Variants in DACH1 observed in about 807,000 individuals in gnomAD.
The protein encoded by DACH1 is dachshund family transcription factor 1, also known as dachshund homolog 1.
DACH1 carries 12 observed loss-of-function variants against 54.2 expected under a neutral mutation model. The ratio of observed to expected loss-of-function variants is 0.22; its 90% CI spans 0.14 to 0.36. The LOEUF (loss-of-function observed/expected upper bound fraction) is 0.36, where lower values mean the gene tolerates loss of function less well. Ranked by LOEUF, DACH1 falls within the 10% of genes least tolerant of loss-of-function variation. The probability of loss-of-function intolerance (pLI) is 1.00; values close to 1 mark genes in which losing one functional copy is unlikely to be tolerated. For missense variants in DACH1, 805 were observed against 929.8 expected (o/e 0.87, Z 1.75); for synonymous variants, 386 against 366.2 (o/e 1.05, Z -0.62).
intron 1 of DACH1, among the ~76,000 whole-genome samples, chr13:71,704,988 A>T (rs1407115789): frequency 6.6e-6 from 1 of 152,176 alleles, no homozygotes; most frequent in Non-Finnish European, 1.5e-5. Context: ...AATAAAATAA[A>T]TTCGGTAATT....
chr13:71,496,867 A>C (rs1349903530), intron 6 of DACH1, among the ~76,000 whole-genome samples: 1 of 152,168 alleles, frequency 6.6e-6, no homozygotes, highest in Non-Finnish European at 1.5e-5. Flanking sequence ...GGTATTTGGG[A>C]ATAAAACTTA....
At chr13:71,492,250 T>G (rs1395448393) in intron 6 of DACH1, among the ~76,000 whole-genome samples, 1 of 152,104 alleles carries the variant, frequency 6.6e-6, no homozygotes, top group Non-Finnish European at 1.5e-5. Flanking sequence ...CGACAAGTAA[T>G]GTTATTTTAC....
intron 1 of DACH1, among the ~76,000 whole-genome samples, chr13:71,725,499 GAAACTATATAAAATAT>G (rs1159187809): frequency 2.0e-5 from 3 of 152,098 alleles, no homozygotes; most frequent in African/African-American, 7.2e-5. Flanking sequence ...TAAAGTTGAT[GAAACTATATAAAATAT>G]AAACTTTAAA....
chr13:71,622,273 G>A (rs1876302968), intron 3 of DACH1, among the ~76,000 whole-genome samples: 1 of 151,902 alleles, frequency 6.6e-6, no homozygotes. Flanking sequence ...GGTGCATTGG[G>A]CTCAGAGTTA....
intron 1 of DACH1, among the ~76,000 whole-genome samples, chr13:71,794,343 T>A (rs955134421): frequency 2.6e-5 from 4 of 152,206 alleles, no homozygotes; most frequent in Non-Finnish European, 5.9e-5. Flanking sequence ...AAATCCTAGG[T>A]GAATTAACAT....
rs1025661866 is a variant in DACH1, at chr13:71,439,630, G to A, written c.*1025C>T. The A allele has an allele frequency of 4.6e-5, 7 of 152,388 alleles. No homozygotes were observed. The highest frequency in any genetic ancestry group is 1.7e-4 in the African/African-American group (7 of 41,404). The allele number at this position is 152,388 out of a possible 1,614,324, so 9.4% of individuals were successfully genotyped here. A position where few individuals can be genotyped will look rare whatever the true frequency, so the allele number is the denominator to read the frequency against. ...AGGGTTCAATATACAAATAAAAGTG[G>A]CTGACACAGAGTTCTGATGTCACCA... On this transcript the variant is annotated 3_prime_UTR_variant, in exon 11 of 11. Transcript: ENST00000613252.
intron 1 of DACH1, among the ~76,000 whole-genome samples, chr13:71,771,148 A>T (rs1026699143): frequency 1.3e-5 from 2 of 151,434 alleles, no homozygotes; most frequent in African/African-American, 2.4e-5. Flanking sequence ...AAAAAGTTAC[A>T]TAGAAAATAA....
In DACH1 at chr13:71,789,679, G is replaced by T. The variant is rs560137412; in HGVS notation, c.848+76243C>A. The stretch of plus-strand genomic sequence containing the variant: ...TTAACCCATTAGTGGGGTTTTCTCT[G>T]ACAGATAGAAGTATATATGAGTGAG... On this transcript the variant is annotated intron_variant, in intron 1 of 10. Transcript: ENST00000613252. 6.9e-3 allele frequency among the ~76,000 whole-genome samples: 1,048 copies of T among 152,184 alleles called. 10 individuals are homozygous for T. Among genetic ancestry groups the T allele is most frequent in the Non-Finnish European group, 0.012 (833 of 67,994 alleles).
intron 6 of DACH1, among the ~76,000 whole-genome samples, chr13:71,536,686 G>A (rs1403754380): frequency 6.6e-6 from 1 of 152,030 alleles, no homozygotes; most frequent in Non-Finnish European, 1.5e-5. Flanking sequence ...TCTGTGTGGG[G>A]CACTAAGCTG....
At chr13:71,615,380 C>T (rs1388179247) in intron 3 of DACH1, among the ~76,000 whole-genome samples, 1 of 152,064 alleles carries the variant, frequency 6.6e-6, no homozygotes, top group East Asian at 1.9e-4. Context: ...TTATTAAGGG[C>T]TAATTAAAGG....
At chr13:71,694,554 T>C (rs1881720002) in intron 1 of DACH1, among the ~76,000 whole-genome samples, 2 of 152,242 alleles carry the variant, frequency 1.3e-5, no homozygotes, top group African/African-American at 4.8e-5. Context: ...ATAAATGACC[T>C]TTTAATACTA....
At position 71,630,654 on chromosome 13, in the gene DACH1, T is replaced by C. The variant is rs1219144371; in HGVS notation, c.1028A>G (p.Lys343Arg). 2 of 1,612,164 alleles carry C rather than the reference T, an allele frequency of 1.2e-6. No individual in the cohort carries two copies. Among genetic ancestry groups the C allele is most frequent in the Non-Finnish European group, 1.7e-6 (2 of 1,179,400 alleles). Residue 343 changes from lysine to arginine, a missense_variant, in exon 3 of 11, where the codon AAG (lysine) becomes AGG (arginine). By Grantham distance (26) the Lys-to-Arg change is conservative. This residue lies in a region of DACH1 where 472 missense variants were observed against 545.3 expected (regional missense o/e 0.87). Coordinates refer to ENST00000613252, the MANE Select transcript of DACH1 (RefSeq NM_080759.6). ...GGCTTCTAATTTGATTTTTTTCACC[T>C]TCATTGCTTCAGCAATAGCTGCATT... ...ATNAAIAEAM[K>R]VKKIKLEAMS...
At chr13:71,803,173 T>A (rs879560536) in intron 1 of DACH1, among the ~76,000 whole-genome samples, 2 of 152,118 alleles carry the variant, frequency 1.3e-5, no homozygotes, top group Admixed American at 1.3e-4. Flanking sequence ...TCTGAAAGCA[T>A]TTTTGAACAA....
At chr13:71,698,378 T>C (rs558247034) in intron 1 of DACH1, among the ~76,000 whole-genome samples, 1 of 152,174 alleles carries the variant, frequency 6.6e-6, no homozygotes, top group African/African-American at 2.4e-5. Context: ...GCCATCACTC[T>C]GGCAAAGCTA....
intron 1 of DACH1, among the ~76,000 whole-genome samples, chr13:71,851,910 T>C (rs966794449): frequency 6.6e-6 from 1 of 152,168 alleles, no homozygotes; most frequent in Non-Finnish European, 1.5e-5. Context: ...CAAAAGTTGA[T>C]ATGTGGTTTA....
At chr13:71,684,833 A>G (rs1881080087) in intron 1 of DACH1, among the ~76,000 whole-genome samples, 1 of 152,106 alleles carries the variant, frequency 6.6e-6, no homozygotes, top group Admixed American at 6.6e-5. Context: ...CAAATCCTTC[A>G]AGTATACTAC....
intron 4 of DACH1, among the ~76,000 whole-genome samples, chr13:71,566,709 T>G (rs1884913469): frequency 6.6e-6 from 1 of 152,198 alleles, no homozygotes; most frequent in Admixed American, 6.5e-5. Context: ...TGTGTTGTAA[T>G]ACTTTCTTTT....
At chr13:71,742,586 G>C (rs186613198) in intron 1 of DACH1, among the ~76,000 whole-genome samples, 1 of 152,092 alleles carries the variant, frequency 6.6e-6, no homozygotes, top group Non-Finnish European at 1.5e-5. Flanking sequence ...AGTTTTCTCT[G>C]CAAAATAGAA....
intron 3 of DACH1, among the ~76,000 whole-genome samples, chr13:71,620,321 C>A (rs1876127579): frequency 6.6e-6 from 1 of 151,840 alleles, no homozygotes; most frequent in African/African-American, 2.4e-5. Flanking sequence ...AAAAAGCAGA[C>A]TAAAACACAT....
Sources: gnomAD v4.1 joint callset for allele counts (sites outside exome capture counted in the v4.1 genomes callset) on GRCh38, gnomAD v4.1.1 for gene constraint, gnomAD v4.1.1 regional missense constraint, MANE v1.5 for transcripts, NCBI Gene and HGNC (gene_info 2026-07-23, HGNC 2026-07-21) for gene names.